Variants in PBRM1 observed in about 807,000 individuals in gnomAD.
The protein encoded by PBRM1 is protein polybromo-1.
In PBRM1, 27 loss-of-function variants were observed where a neutral mutation model predicts 194.5. The observed-to-expected ratio is 0.14, with a 90% CI of 0.10 to 0.19. The LOEUF is 0.19. PBRM1 is among the 10% of genes least tolerant of loss of function. The pLI, the probability that PBRM1 is intolerant of heterozygous loss-of-function variation, is 1.00. For synonymous variants in PBRM1, 655 were observed against 693.2 expected (o/e 0.94, Z 0.87); for missense variants, 1,466 against 2,077.2 (o/e 0.71, Z 5.72).
chr3:52,583,168 G>A (rs1397150235), intron 20 of PBRM1, among the ~76,000 whole-genome samples: 1 of 150,518 alleles, frequency 6.6e-6, no homozygotes. Flanking sequence ...CTAGCACTTT[G>A]GGAGGCCGAG....
chr3:52,564,360 G>A, intron 22 of PBRM1, 127 bp from the exon 25 acceptor site: 1 of 718,054 alleles, frequency 1.4e-6, no homozygotes. Flanking sequence ...TATGAAAGGG[G>A]CTAGGCATGG....
chr3:52,634,421 C>CT (rs1200627910), intron 11 of PBRM1, among the ~76,000 whole-genome samples, 181 bp downstream of exon 12: 1 of 126,588 alleles, frequency 7.9e-6, no homozygotes, highest in Admixed American at 9.8e-5. Flanking sequence ...TGGCAACAGA[C>CT]TGAGACTCCG....
At chr3:52,595,466 T>C (rs2093457077) in intron 17 of PBRM1, among the ~76,000 whole-genome samples, 1 of 152,242 alleles carries the variant, frequency 6.6e-6, no homozygotes, top group Non-Finnish European at 1.5e-5. Context: ...CTGTCTGCCA[T>C]TTGTATGTCT....
chr3:52,553,053 G>A (rs2081351012), intron 27 of PBRM1, among the ~76,000 whole-genome samples: 1 of 152,196 alleles, frequency 6.6e-6, no homozygotes, highest in African/African-American at 2.4e-5. Flanking sequence ...GCACACTGCT[G>A]GGTGCACCCT....
intron 22 of PBRM1, among the ~76,000 whole-genome samples, chr3:52,571,263 C>T (rs1220761513): frequency 5.5e-5 from 8 of 145,774 alleles, no homozygotes; most frequent in East Asian, 2.0e-4. Context: ...GTGGAGGTTG[C>T]AGTGAGCCGA....
intron 16 of PBRM1, among the ~76,000 whole-genome samples, chr3:52,607,921 A>T (rs1477968356): frequency 6.6e-6 from 1 of 152,184 alleles, no homozygotes; most frequent in Admixed American, 6.5e-5. Flanking sequence ...CCTGTCTCTT[A>T]AACATATCAT....
At chr3:52,601,916 G>A (rs1226056132) in intron 17 of PBRM1, among the ~76,000 whole-genome samples, 5 of 152,148 alleles carry the variant, frequency 3.3e-5, no homozygotes, top group Non-Finnish European at 7.4e-5. Flanking sequence ...GCTAGTACCC[G>A]GACCGACAGG....
chr3:52,561,741 G>C (rs1263861443), intron 25 of PBRM1, 26 bp downstream of exon 27: 1 of 1,602,130 alleles, frequency 6.2e-7, no homozygotes, highest in Non-Finnish European at 8.5e-7. Context: ...TGCTTCGAAA[G>C]ACAGTTGTGC....
intron 16 of PBRM1, among the ~76,000 whole-genome samples, chr3:52,606,631 T>C (rs990417291): frequency 7.2e-5 from 11 of 152,220 alleles, no homozygotes; most frequent in Admixed American, 3.9e-4. Flanking sequence ...TCATTGAATG[T>C]GCAGGAACAT....
intron 18 of PBRM1, 110 bp from the exon 21 acceptor site, chr3:52,587,620 G>A: frequency 1.2e-6 from 1 of 811,460 alleles, no homozygotes; most frequent in Non-Finnish European, 1.8e-6. Context: ...ACGTTGCCCA[G>A]GCTGGACTTG....
intron 6 of PBRM1, among the ~76,000 whole-genome samples, chr3:52,650,356 T>C (rs1253612962): frequency 3.4e-5 from 4 of 117,054 alleles, no homozygotes; most frequent in Non-Finnish European, 6.7e-5. Context: ...AGGGCAAGAC[T>C]GTCTCAAAAA....
intron 2 of PBRM1, among the ~76,000 whole-genome samples, chr3:52,675,441 T>G (rs912296320): frequency 1.3e-5 from 2 of 152,234 alleles, no homozygotes; most frequent in African/African-American, 4.8e-5. Flanking sequence ...CCCTTATGAA[T>G]ACTGATGCAA....
intron 10 of PBRM1, among the ~76,000 whole-genome samples, chr3:52,638,765 T>C (rs1270775682): frequency 1.3e-5 from 2 of 151,488 alleles, no homozygotes; most frequent in Admixed American, 6.6e-5. Context: ...CCGGCTAATT[T>C]TTCTTTTTCT....
At chr3:52,637,580 C>G (rs754949427) in intron 10 of PBRM1, among the ~76,000 whole-genome samples, 7 of 151,716 alleles carry the variant, frequency 4.6e-5, no homozygotes, top group Non-Finnish European at 8.8e-5. Context: ...TTGCAGTGAG[C>G]TGAGATCACG....
chr3:52,664,412 G>GAAAAAAAAAAAAAAA (rs58727570), intron 3 of PBRM1, among the ~76,000 whole-genome samples: 1 of 101,180 alleles, frequency 9.9e-6, no homozygotes, highest in Non-Finnish European at 1.9e-5. Flanking sequence ...TGAAAGAACT[G>GAAAAAAAAAAAAAAA]AAAAAAAAAA....
At chr3:52,562,760 TG>T (rs2083976201) in intron 24 of PBRM1, among the ~76,000 whole-genome samples, 1 of 152,052 alleles carries the variant, frequency 6.6e-6, no homozygotes, top group African/African-American at 2.4e-5. Flanking sequence ...AATGTGGTCT[TG>T]AACTCCTGAG....
intron 3 of PBRM1, among the ~76,000 whole-genome samples, chr3:52,665,223 T>C (rs1471126208): frequency 6.6e-6 from 1 of 152,154 alleles, no homozygotes; most frequent in Non-Finnish European, 1.5e-5. Flanking sequence ...GGCATGATCA[T>C]AGCACATTAC....
intron 17 of PBRM1, among the ~76,000 whole-genome samples, chr3:52,594,099 C>G (rs2153836540): frequency 6.6e-6 from 1 of 152,240 alleles, no homozygotes; most frequent in African/African-American, 2.4e-5. Context: ...CCAGGCTGCT[C>G]TTGAAGGCCT....
intron 15 of PBRM1, among the ~76,000 whole-genome samples, chr3:52,612,258 C>CAAAAAAAAA (rs566481465): frequency 0.02 from 476 of 24,006 alleles, 77 homozygotes; most frequent in African/African-American, 0.07. Context: ...GATTCCGTCT[C>CAAAAAAAAA]AAAAAAAAAA....
Sources: gnomAD v4.1 joint callset for allele counts (sites outside exome capture counted in the v4.1 genomes callset) on GRCh38, gnomAD v4.1.1 for gene constraint, MANE v1.5 for transcripts, NCBI Gene and HGNC (gene_info 2026-07-23, HGNC 2026-07-21) for gene names.